Variants in CACNA2D3 observed in about 807,000 individuals in gnomAD.
The protein encoded by CACNA2D3 is calcium voltage-gated channel auxiliary subunit alpha2delta 3.
CACNA2D3 carries 60 observed loss-of-function variants against 160.6 expected under a neutral mutation model. The observed-to-expected ratio is 0.37, with a 90% CI of 0.30 to 0.46. CACNA2D3 has a LOEUF of 0.46. Ranked by LOEUF, CACNA2D3 falls within the 20% of genes least tolerant of loss-of-function variation. The probability of loss-of-function intolerance (pLI) is 1.00; values close to 1 mark genes in which losing one functional copy is unlikely to be tolerated. For synonymous variants in CACNA2D3, 558 were observed against 492.9 expected, an observed-to-expected ratio of 1.13 and a Z score of -1.75; for missense variants, 1,205 against 1,365.0, an observed-to-expected ratio of 0.88 and a Z score of 1.85.
At chr3:54,480,683 T>G (rs1700918770) in intron 4 of CACNA2D3, among the ~76,000 whole-genome samples, 1 of 152,104 alleles carries the variant, frequency 6.6e-6, no homozygotes, top group South Asian at 2.1e-4. Flanking sequence ...CTAGAGATAT[T>G]TCTATTTTAT....
At chr3:54,760,600 G>A (rs570756805) in intron 12 of CACNA2D3, among the ~76,000 whole-genome samples, 33 of 152,296 alleles carry the variant, frequency 2.2e-4, no homozygotes, top group South Asian at 1.7e-3. Flanking sequence ...ACAAGGGGGA[G>A]AGGGATTTGT....
chr3:54,571,321 C>T (rs149096534), intron 8 of CACNA2D3, among the ~76,000 whole-genome samples: 179 of 152,124 alleles, frequency 1.2e-3, no homozygotes, highest in African/African-American at 4.2e-3. Context: ...ATGTTCATGC[C>T]GGAGAGGTGT....
chr3:54,439,256 T>A (rs1700106052), intron 4 of CACNA2D3, among the ~76,000 whole-genome samples: 2 of 152,128 alleles, frequency 1.3e-5, no homozygotes, highest in South Asian at 4.1e-4. Flanking sequence ...CCTTTGAGGT[T>A]ACTGTGCTTG....
intron 35 of CACNA2D3, among the ~76,000 whole-genome samples, chr3:55,039,002 A>C (rs1217414522): frequency 1.3e-5 from 2 of 151,172 alleles, no homozygotes; most frequent in Non-Finnish European, 2.9e-5. Flanking sequence ...TGCCAAAAAG[A>C]AGGGAGTCAT....
intron 4 of CACNA2D3, among the ~76,000 whole-genome samples, chr3:54,481,026 G>T (rs1307803286): frequency 6.6e-6 from 1 of 152,126 alleles, no homozygotes. Context: ...GTATGTCTTT[G>T]TCTCTGTTGG....
At chr3:54,210,687 G>A (rs146179142) in intron 2 of CACNA2D3, among the ~76,000 whole-genome samples, 25 of 152,228 alleles carry the variant, frequency 1.6e-4, no homozygotes, top group African/African-American at 3.9e-4. Flanking sequence ...TTACACAAGC[G>A]CCTGGGAGAG....
At chr3:54,306,782 G>A (rs1575384680) in intron 2 of CACNA2D3, among the ~76,000 whole-genome samples, 1 of 152,172 alleles carries the variant, frequency 6.6e-6, no homozygotes, top group Non-Finnish European at 1.5e-5. Flanking sequence ...GCACATCAGT[G>A]GTTTCTGGGA....
At chr3:54,590,748 CTT>C (rs1702843544) in intron 9 of CACNA2D3, among the ~76,000 whole-genome samples, 1 of 151,976 alleles carries the variant, frequency 6.6e-6, no homozygotes, top group Non-Finnish European at 1.5e-5. Context: ...TGCTTGGCCT[CTT>C]TATTATTTCA....
intron 4 of CACNA2D3, among the ~76,000 whole-genome samples, chr3:54,390,223 T>C (rs1329776322): frequency 6.6e-6 from 1 of 152,216 alleles, no homozygotes; most frequent in East Asian, 1.9e-4. Flanking sequence ...CATAGAGACA[T>C]TCTTTTTTGT....
rs1231462884 is a variant in CACNA2D3 at position 54,350,993 on chromosome 3, T to TG, written c.321+30435_321+30436insG. ...GTTTTTTTTTTTTTGTTTGTTTTTTTTTTTTTTTTTTTTGAGACAGAGTCT... is the reference window on the plus strand; with the variant it reads ...GTTTTTTTTTTTTTGTTTGTTTTTTTGTTTTTTTTTTTTTGAGACAGAGTCT... On this transcript the variant is annotated intron_variant, in intron 3 of 37. Coordinates refer to ENST00000474759, the MANE Select transcript of CACNA2D3 (RefSeq NM_018398.3). 1.1e-3 allele frequency among the ~76,000 whole-genome samples: 133 copies of TG among 118,058 alleles called. 7 individuals are homozygous for TG. Among genetic ancestry groups the TG allele is most frequent in the Non-Finnish European group, 2.1e-3 (112 of 54,238 alleles). 77.5% of individuals were successfully genotyped at this position (118,058 alleles called of 152,430 possible). A position where few individuals can be genotyped will look rare whatever the true frequency, so the allele number is the denominator to read the frequency against.
At chr3:54,756,033 G>A (rs1701963318) in intron 12 of CACNA2D3, among the ~76,000 whole-genome samples, 1 of 152,162 alleles carries the variant, frequency 6.6e-6, no homozygotes, top group East Asian at 1.9e-4. Flanking sequence ...TCCTTTTGAA[G>A]ACAGTTTAGT....
intron 4 of CACNA2D3, among the ~76,000 whole-genome samples, chr3:54,472,369 A>G (rs989068439): frequency 6.6e-6 from 1 of 152,210 alleles, no homozygotes; most frequent in African/African-American, 2.4e-5. Context: ...AAAACTTTCA[A>G]TAAACTAGGT....
intron 18 of CACNA2D3, among the ~76,000 whole-genome samples, chr3:54,873,073 T>TA (rs1699576813): frequency 6.6e-6 from 1 of 152,064 alleles, no homozygotes; most frequent in Non-Finnish European, 1.5e-5. Flanking sequence ...TCTCTAGACT[T>TA]CAGTTTTATT....
intron 3 of CACNA2D3, among the ~76,000 whole-genome samples, chr3:54,342,117 T>G (rs1005305006): frequency 4.6e-5 from 7 of 152,190 alleles, no homozygotes; most frequent in African/African-American, 1.7e-4. Context: ...CCCATCAATA[T>G]CTATTTAATA....
At chr3:54,736,211 C>A (rs1201388925) in intron 11 of CACNA2D3, among the ~76,000 whole-genome samples, 4 of 148,968 alleles carry the variant, frequency 2.7e-5, no homozygotes, top group Admixed American at 6.7e-5. Flanking sequence ...ATTTTGTAAC[C>A]TCTTTTGTTC....
At chr3:54,648,334 A>G (rs1266695469) in intron 11 of CACNA2D3, among the ~76,000 whole-genome samples, 3 of 152,204 alleles carry the variant, frequency 2.0e-5, no homozygotes, top group African/African-American at 7.2e-5. Flanking sequence ...ACATAGCCAC[A>G]CCCATTTGTT....
At chr3:54,269,451 ACTGTGTACTGCATACTAGGAG>A in intron 2 of CACNA2D3, among the ~76,000 whole-genome samples, 1 of 152,258 alleles carries the variant, frequency 6.6e-6, no homozygotes, top group Non-Finnish European at 1.5e-5. Flanking sequence ...AAGAGCACTT[ACTGTGTACTGCATACTAGGAG>A]CTGGGGATGC....
At chr3:54,260,304 CAG>C (rs1163995947) in intron 2 of CACNA2D3, among the ~76,000 whole-genome samples, 1 of 152,114 alleles carries the variant, frequency 6.6e-6, no homozygotes, top group Admixed American at 6.6e-5. Context: ...TTGCTATAAA[CAG>C]AATACATGAG....
intron 29 of CACNA2D3, among the ~76,000 whole-genome samples, chr3:54,982,857 A>G (rs1702535837): frequency 1.3e-5 from 2 of 152,246 alleles, no homozygotes; most frequent in South Asian, 2.1e-4. Context: ...GAAGACGACC[A>G]GAGGTCACAC....
Sources: gnomAD v4.1 joint callset for allele counts (sites outside exome capture counted in the v4.1 genomes callset) on GRCh38, gnomAD v4.1.1 for gene constraint, MANE v1.5 for transcripts, NCBI Gene and HGNC (gene_info 2026-07-23, HGNC 2026-07-21) for gene names.